ADD3: variants seen among roughly 807,000 people sequenced by gnomAD.
ADD3 encodes the protein gamma-adducin.
ADD3 carries 25 observed loss-of-function variants against 80.2 expected under a neutral mutation model. The observed-to-expected ratio is 0.31, with a 90% CI of 0.23 to 0.44. ADD3 has a LOEUF of 0.44. ADD3 is among the 20% of genes least tolerant of loss of function. The pLI is 1.00. For synonymous variants in ADD3, 284 were observed against 289.6 expected (o/e 0.98, Z 0.20); for missense variants, 829 against 847.5 (o/e 0.98, Z 0.27).
intron 1 of ADD3, among the ~76,000 whole-genome samples, chr10:110,043,252 C>T (rs868575213): frequency 6.6e-6 from 1 of 152,066 alleles, no homozygotes; most frequent in South Asian, 2.1e-4. Context: ...AACTTGCATC[C>T]GAATTAATGT....
At chr10:110,074,163 A>T (rs1429087037) in intron 1 of ADD3, among the ~76,000 whole-genome samples, 1 of 152,168 alleles carries the variant, frequency 6.6e-6, no homozygotes, top group Non-Finnish European at 1.5e-5. Flanking sequence ...TGTTTGTTCA[A>T]AAGGAAAAGC....
chr10:110,095,050 T>C, intron 1 of ADD3, among the ~76,000 whole-genome samples: 1 of 152,242 alleles, frequency 6.6e-6, no homozygotes. Context: ...TCCCAGCCTA[T>C]AAATAATGCA....
intron 1 of ADD3, among the ~76,000 whole-genome samples, chr10:110,059,177 G>T (rs1192273944): frequency 1.1e-5 from 1 of 93,576 alleles, no homozygotes; most frequent in Non-Finnish European, 3.0e-5. Context: ...GAAAACTAAA[G>T]ATCACCCATA....
At chr10:110,011,754 T>C (rs537382751) in intron 1 of ADD3, among the ~76,000 whole-genome samples, 2 of 152,356 alleles carry the variant, frequency 1.3e-5, no homozygotes, top group African/African-American at 4.8e-5. Context: ...TGTCATGTCA[T>C]TGAGATTCAA....
chr10:110,010,350 AT>A lies in ADD3; in HGVS notation c.-30+2052del, dbSNP rs1852197664. On this transcript the variant is annotated intron_variant, in intron 1 of 14. Transcript: ENST00000356080. ...TGGTTAGCAGTACTGGGTGGCATGT[AT>A]GCATGTCATCAGAGTATAAGAAGTG... Among the ~76,000 whole-genome samples the A allele has an allele frequency of 6.6e-5, 10 of 152,344 alleles. No homozygotes were observed. The South Asian group carries it at 2.1e-3, about 32-fold the overall frequency.
intron 1 of ADD3, among the ~76,000 whole-genome samples, chr10:110,028,700 G>T (rs1400913537): frequency 2.0e-5 from 3 of 152,164 alleles, no homozygotes; most frequent in Non-Finnish European, 2.9e-5. Flanking sequence ...AGAAAATAAT[G>T]ATGTAGAATC....
chr10:110,078,751 G>A (rs934855582), intron 1 of ADD3, among the ~76,000 whole-genome samples: 2 of 152,048 alleles, frequency 1.3e-5, no homozygotes, highest in African/African-American at 2.4e-5. Context: ...CACAGAAAAT[G>A]CTATTTTCTG....
At chr10:110,063,736 A>AC (rs1843494997) in intron 1 of ADD3, among the ~76,000 whole-genome samples, 2 of 45,814 alleles carry the variant, frequency 4.4e-5, no homozygotes, top group African/African-American at 1.6e-4. Context: ...ATATATATTC[A>AC]TTATATATAT....
intron 1 of ADD3, among the ~76,000 whole-genome samples, chr10:110,046,214 G>A (rs1856889037): frequency 6.6e-6 from 1 of 151,974 alleles, no homozygotes; most frequent in African/African-American, 2.4e-5. Context: ...TAAATTTATG[G>A]TATCAATAAA....
chr10:110,087,233 T>C (rs1162901679), intron 1 of ADD3, among the ~76,000 whole-genome samples: 2 of 152,118 alleles, frequency 1.3e-5, no homozygotes, highest in African/African-American at 4.8e-5. Flanking sequence ...TTAGTAGAGA[T>C]GTTGGCCAGG....
At chr10:110,063,837 C>A (rs980218346) in intron 1 of ADD3, among the ~76,000 whole-genome samples, 1 of 142,488 alleles carries the variant, frequency 7.0e-6, no homozygotes, top group African/African-American at 2.6e-5. Flanking sequence ...GCTAGCAACA[C>A]CCTGCTCTGG....
At chr10:110,051,186 TAAAACC>T (rs911213764) in intron 1 of ADD3, among the ~76,000 whole-genome samples, 3 of 152,238 alleles carry the variant, frequency 2.0e-5, no homozygotes, top group African/African-American at 7.2e-5. Context: ...AATAAAGAGC[TAAAACC>T]ATAAGACTCT....
chr10:110,052,973 C>A (rs1857699153), intron 1 of ADD3, among the ~76,000 whole-genome samples: 1 of 152,086 alleles, frequency 6.6e-6, no homozygotes, highest in Non-Finnish European at 1.5e-5. Flanking sequence ...AAGAGTTTGT[C>A]CTGAGGTGGG....
chr10:110,061,057 T>C (rs1207466541), intron 1 of ADD3, among the ~76,000 whole-genome samples: 1 of 152,226 alleles, frequency 6.6e-6, no homozygotes, highest in African/African-American at 2.4e-5. Context: ...AGCTTTGTGC[T>C]ATGACTATGT....
At chr10:110,099,127 C>CTATG (rs1044431799) in intron 1 of ADD3, among the ~76,000 whole-genome samples, 2 of 146,386 alleles carry the variant, frequency 1.4e-5, no homozygotes, top group Non-Finnish European at 3.0e-5. Context: ...CAGGGTTTCA[C>CTATG]TATGTTGCCC....
chr10:110,096,593 G>T (rs189143605), intron 1 of ADD3, among the ~76,000 whole-genome samples: 1 of 152,012 alleles, frequency 6.6e-6, no homozygotes, highest in East Asian at 1.9e-4. Context: ...TAGTTAGCTG[G>T]GGGGGGTCTG....
At chr10:110,123,763 T>G (rs1851804896) in intron 9 of ADD3, 2 of 443,182 alleles carry the variant, frequency 4.5e-6, no homozygotes, top group South Asian at 2.9e-5. Flanking sequence ...AACTTAGAAC[T>G]GTTCGTTTGT....
chr10:110,014,756 A>G (rs987635667), intron 1 of ADD3, among the ~76,000 whole-genome samples: 1 of 150,398 alleles, frequency 6.6e-6, no homozygotes, highest in Non-Finnish European at 1.5e-5. Flanking sequence ...CGAACTCCCA[A>G]CCTCAGGTGA....
chr10:110,076,391 T>A (rs1310895635), intron 1 of ADD3, among the ~76,000 whole-genome samples: 1 of 152,220 alleles, frequency 6.6e-6, no homozygotes, highest in Non-Finnish European at 1.5e-5. Flanking sequence ...GAGTATAAAA[T>A]TTTTTAAAGT....
Sources: gnomAD v4.1 joint callset for allele counts (sites outside exome capture counted in the v4.1 genomes callset) on GRCh38, gnomAD v4.1.1 for gene constraint, MANE v1.5 for transcripts, NCBI Gene and HGNC (gene_info 2026-07-23, HGNC 2026-07-21) for gene names.